The following ATG10 variants were observed in gnomAD, a reference collection of about 807,000 sequenced individuals.
ATG10 encodes the protein ubiquitin-like-conjugating enzyme ATG10.
Under a neutral mutation model 32.1 loss-of-function variants are expected in ATG10, and 30 were observed. The observed-to-expected ratio is 0.94, with a 90% CI of 0.70 to 1.27. The LOEUF (loss-of-function observed/expected upper bound fraction) is 1.27. ATG10 is among the 50% of genes most tolerant of loss of function. ATG10 has a pLI of 0.00. For missense variants in ATG10, 233 were observed against 262.3 expected (o/e 0.89, Z 0.77); for synonymous variants, 87 against 91.5 (o/e 0.95, Z 0.28).
At chr5:82,215,177 C>T (rs1028011933) in intron 5 of ATG10, among the ~76,000 whole-genome samples, 1 of 152,158 alleles carries the variant, frequency 6.6e-6, no homozygotes, top group African/African-American at 2.4e-5. Context: ...CAGTTCCTCA[C>T]AGGCTCTTGG....
chr5:82,086,316 T>C, intron 3 of ATG10, among the ~76,000 whole-genome samples: 1 of 152,212 alleles, frequency 6.6e-6, no homozygotes, highest in East Asian at 1.9e-4. Context: ...AATCATAATT[T>C]ATAATGAAAT....
rs566957067 is a variant in ATG10, at chr5:82,046,712, GTTAA to G, written c.109-11775_109-11772del. ...CTTCATTTCACTAAAAACTGGGAAA[GTTAA>G]TTAATTATTTGTACTGCTTTGCAAG... is the stretch of plus-strand genomic sequence containing the variant. On this transcript the variant is annotated intron_variant, in intron 2 of 7. Coordinates refer to ENST00000282185, the MANE Select transcript of ATG10 (RefSeq NM_031482.5). Among the ~76,000 whole-genome samples the G allele has an allele frequency of 1.9e-3, 288 of 152,314 alleles. 1 individual carries two copies. The highest frequency in any genetic ancestry group is 3.2e-3 in the Non-Finnish European group (216 of 68,014).
intron 3 of ATG10, among the ~76,000 whole-genome samples, chr5:82,117,753 T>C (rs945858204): frequency 6.6e-6 from 1 of 151,988 alleles, no homozygotes; most frequent in African/African-American, 2.4e-5. Flanking sequence ...TCTCCGAGAA[T>C]GAAGGTGTGA....
chr5:82,187,060 C>G (rs1281102703), intron 5 of ATG10, among the ~76,000 whole-genome samples: 1 of 150,836 alleles, frequency 6.6e-6, no homozygotes, highest in East Asian at 1.9e-4. Context: ...GCAATCACAG[C>G]TACTCAGGAG....
At chr5:82,216,193 A>G (rs1291157401) in intron 5 of ATG10, among the ~76,000 whole-genome samples, 2 of 152,220 alleles carry the variant, frequency 1.3e-5, no homozygotes, top group Non-Finnish European at 2.9e-5. Flanking sequence ...TATTCTGTAG[A>G]TCCTAGATAT....
At chr5:82,129,293 C>T (rs769790684) in intron 3 of ATG10, among the ~76,000 whole-genome samples, 5 of 151,888 alleles carry the variant, frequency 3.3e-5, no homozygotes, top group African/African-American at 4.8e-5. Flanking sequence ...TTAGAACATG[C>T]TCCTTTAGCT....
intron 5 of ATG10, among the ~76,000 whole-genome samples, chr5:82,250,275 GT>G (rs886707683): frequency 6.6e-6 from 1 of 151,968 alleles, no homozygotes; most frequent in African/African-American, 2.4e-5. Context: ...CTGCATGGTT[GT>G]TTTTTTCCTT....
chr5:82,124,627 CT>C (rs1158094706), intron 3 of ATG10, among the ~76,000 whole-genome samples: 2 of 151,842 alleles, frequency 1.3e-5, no homozygotes, highest in Non-Finnish European at 2.9e-5. Context: ...AGGACATGAA[CT>C]CATTCTTTTT....
intron 2 of ATG10, among the ~76,000 whole-genome samples, chr5:82,031,556 A>G (rs768895361): frequency 1.6e-4 from 25 of 152,234 alleles, no homozygotes; most frequent in African/African-American, 5.1e-4. Flanking sequence ...TGCCCTGGCA[A>G]CGGGGCTCCC....
chr5:82,022,154 A>C (rs918882148), intron 2 of ATG10, among the ~76,000 whole-genome samples: 1 of 150,212 alleles, frequency 6.7e-6, no homozygotes, highest in Non-Finnish European at 1.5e-5. Context: ...GCGCCACTGC[A>C]CTCCAGCCTG....
intron 5 of ATG10, among the ~76,000 whole-genome samples, chr5:82,189,488 T>C (rs1262877652): frequency 6.6e-6 from 1 of 152,226 alleles, no homozygotes; most frequent in Non-Finnish European, 1.5e-5. Context: ...TCAGTTGTAG[T>C]TGTGTGAGAG....
chr5:82,201,610 CT>C, intron 5 of ATG10, among the ~76,000 whole-genome samples: 1 of 152,096 alleles, frequency 6.6e-6, no homozygotes, highest in Non-Finnish European at 1.5e-5. Context: ...CAACTTTGTT[CT>C]TTTTCAAGAA....
intron 3 of ATG10, among the ~76,000 whole-genome samples, chr5:82,162,178 A>G (rs1282240975): frequency 1.3e-5 from 2 of 152,098 alleles, no homozygotes; most frequent in African/African-American, 4.8e-5. Flanking sequence ...ATGTACAAAG[A>G]GTTTATATAA....
intron 3 of ATG10, among the ~76,000 whole-genome samples, chr5:82,123,699 G>A (rs1342575351): frequency 6.7e-6 from 1 of 149,508 alleles, no homozygotes; most frequent in Non-Finnish European, 1.5e-5. Flanking sequence ...GGAGACCCAG[G>A]TGAGAGGATT....
chr5:82,011,387 A>G (rs2149694755), intron 2 of ATG10, among the ~76,000 whole-genome samples: 1 of 152,130 alleles, frequency 6.6e-6, no homozygotes, highest in South Asian at 2.1e-4. Context: ...TCAGGCTATC[A>G]TTATTTCTGC....
chr5:82,249,020 A>G (rs116009757), intron 5 of ATG10, among the ~76,000 whole-genome samples: 19 of 152,060 alleles, frequency 1.2e-4, no homozygotes, highest in Non-Finnish European at 4.4e-5. Context: ...AAGGCATGAA[A>G]GTCTCAATTA....
intron 2 of ATG10, among the ~76,000 whole-genome samples, chr5:82,047,717 A>G (rs978102242): frequency 6.6e-6 from 1 of 152,018 alleles, no homozygotes; most frequent in South Asian, 2.1e-4. Flanking sequence ...GTGTTATACT[A>G]CTCATAGGAA....
chr5:82,254,887 A>AGTTT lies in ATG10; in HGVS notation c.*825_*826insTTTG. The AGTTT allele has an allele frequency of 8.0e-6, 1 of 124,620 alleles. No homozygotes were observed. Among genetic ancestry groups the AGTTT allele is most frequent in the East Asian group, 2.4e-4 (1 of 4,214 alleles). 7.7% of individuals were successfully genotyped at this position (124,620 alleles called of 1,614,324 possible). A position where few individuals can be genotyped will look rare whatever the true frequency, so the allele number is the denominator to read the frequency against. ...CTGTTTTACTCCAAAAGAGAGAGAG[A>AGTTT]GAGTGAGTGTGAGTGTGTGTGTGTG... On this transcript the variant is annotated 3_prime_UTR_variant, in exon 8 of 8. Coordinates refer to ENST00000282185, the MANE Select transcript of ATG10 (RefSeq NM_031482.5).
chr5:82,090,754 C>T (rs780420614), intron 3 of ATG10, among the ~76,000 whole-genome samples: 7 of 152,014 alleles, frequency 4.6e-5, no homozygotes, highest in Admixed American at 2.0e-4. Context: ...TATAATTTTG[C>T]GAGATGTTGC....
Sources: allele counts gnomAD v4.1 joint callset (sites outside exome capture counted in the v4.1 genomes callset), GRCh38; gene constraint gnomAD v4.1.1; transcripts MANE v1.5; gene names NCBI Gene and HGNC (gene_info 2026-07-23, HGNC 2026-07-21).